Variants in PIK3R6 observed in about 807,000 individuals in gnomAD.
PIK3R6 encodes the protein phosphoinositide 3-kinase regulatory subunit 6.
Under a neutral mutation model 84.9 loss-of-function variants are expected in PIK3R6, and 91 were observed. The ratio of observed to expected loss-of-function variants is 1.07; its 90% CI spans 0.90 to 1.28. The LOEUF (loss-of-function observed/expected upper bound fraction) is 1.28. PIK3R6 is among the 50% of genes most tolerant of loss of function. PIK3R6 has a pLI of 0.00. For synonymous variants in PIK3R6, 416 were observed against 411.4 expected, an observed-to-expected ratio of 1.01 and a Z score of -0.13; for missense variants, 996 against 985.1, an observed-to-expected ratio of 1.01 and a Z score of -0.15.
At chr17:8,806,039 A>T (rs1222821537) in intron 18 of PIK3R6, among the ~76,000 whole-genome samples, 1 of 152,168 alleles carries the variant, frequency 6.6e-6, no homozygotes, top group Non-Finnish European at 1.5e-5. Flanking sequence ...CACTGACTGG[A>T]CAGCTAATGG....
At chr17:8,811,357 C>A (rs1276360734) in intron 18 of PIK3R6, among the ~76,000 whole-genome samples, 1 of 148,562 alleles carries the variant, frequency 6.7e-6, no homozygotes, top group Non-Finnish European at 1.5e-5. Context: ...GCTGTGAAGA[C>A]CTCTGACATG....
At chr17:8,829,634 A>G in intron 10 of PIK3R6, 72 bp downstream of exon 10, 2 of 1,423,482 alleles carry the variant, frequency 1.4e-6, no homozygotes, top group Non-Finnish European at 1.9e-6. Flanking sequence ...ACACTGACAC[A>G]CACTCATGCA....
At chr17:8,850,083 C>T (rs896295994) in intron 1 of PIK3R6, among the ~76,000 whole-genome samples, 198 bp from the exon 2 acceptor site, 1 of 152,098 alleles carries the variant, frequency 6.6e-6, no homozygotes, top group Admixed American at 6.5e-5. Flanking sequence ...GCGGGTGGAT[C>T]ACTTGAGGTC....
rs754208125 is a variant in PIK3R6, at chr17:8,823,447, G to A, written c.1566C>T (p.Val522=). ...SRTVDPFILD[V]ITYYIRMGTQ... is the part of the protein sequence containing the mutation. ...TGCCCATGCGGATGTAGTAGGTGAT[G>A]ACGTCTAGGATGAAGGGGTCCACAG... The change falls in exon 14 of 20, where the codon GTC becomes GTT. Residue 522 remains valine, a synonymous_variant. Coordinates refer to ENST00000619866, the MANE Select transcript of PIK3R6 (RefSeq NM_001010855.4). The A allele has an allele frequency of 3.1e-6, 5 of 1,612,928 alleles. No individual in the cohort carries two copies. The South Asian group carries it at 3.3e-5, about 11-fold the overall frequency.
At chr17:8,827,369 C>A in intron 12 of PIK3R6, 75 bp from the exon 13 acceptor site, 1 of 1,493,262 alleles carries the variant, frequency 6.7e-7, no homozygotes, top group African/African-American at 1.4e-5. Context: ...TCAGCCTAGG[C>A]TGTGTGAATA....
At position 8,827,165 on chromosome 17, in the gene PIK3R6, C is replaced by T; in HGVS notation, c.1515+7G>A. ...TCTCCCTCCCTGGTACCCTCACCCT[C>T]CCCTACCATCTCAGCCAGCTTGTGG... On this transcript the variant is annotated splice_region_variant and intron_variant, in intron 13 of 19. Transcript: ENST00000619866. 6.2e-7 allele frequency: 1 copy of T among 1,612,502 alleles called. No individual in the cohort carries two copies. Among genetic ancestry groups the T allele is most frequent in the Non-Finnish European group, 8.5e-7 (1 of 1,179,172 alleles).
At chr17:8,811,753 G>A (rs554784630) in intron 18 of PIK3R6, among the ~76,000 whole-genome samples, 4 of 148,148 alleles carry the variant, frequency 2.7e-5, no homozygotes, top group African/African-American at 5.0e-5. Context: ...TGTCCATATC[G>A]CTATCAACAT....
chr17:8,831,392 G>C lies in PIK3R6; in HGVS notation c.802+1497C>G, dbSNP rs943520188. On this transcript the variant is annotated intron_variant, in intron 9 of 19. Coordinates refer to ENST00000619866, the MANE Select transcript of PIK3R6 (RefSeq NM_001010855.4). ...GTCTGGGCAGGAGACAGGTGCCCTT[G>C]GATGTGTCTTGGGGGTGGCCCAGAT... Among the ~76,000 whole-genome samples the C allele has an allele frequency of 4.1e-5, 6 of 147,226 alleles. No individual in the cohort carries two copies. The Admixed American group carries it at 4.1e-4, about 10-fold the overall frequency.
At chr17:8,804,257 TGGG>T (rs2087133683) in intron 18 of PIK3R6, 104 bp from the exon 19 acceptor site, 2 of 919,242 alleles carry the variant, frequency 2.2e-6, no homozygotes, top group Middle Eastern at 4.3e-4. Flanking sequence ...GTCCAGCACA[TGGG>T]GTCCCCAGCT....
Position 8,828,686 on chromosome 17 carries a change from GC to G in PIK3R6, c.1193del (p.Gly398AlafsTer87), listed in dbSNP as rs1224883169. On this transcript the variant is annotated frameshift_variant, in exon 11 of 20. Coordinates refer to ENST00000619866, the MANE Select transcript of PIK3R6 (RefSeq NM_001010855.4). LOFTEE classifies it high-confidence loss of function. The stretch of plus-strand genomic sequence containing the variant: ...GCATTTCCCCATCCCCACTGGGCCG[GC>G]CTGTCCTCCGGTGCAGCCCTGGGGG... ...DGPPGLHRRTGRPSGDGEMLP... is the reference protein window; with the variant it reads ...DGPPGLHRRTXRPSGDGEMLP... 3.1e-6 allele frequency: 5 copies of G among 1,611,552 alleles called. No homozygotes were observed. Among genetic ancestry groups the G allele is most frequent in the Non-Finnish European group, 4.2e-6 (5 of 1,179,082 alleles).
At chr17:8,850,653 AG>A (rs1413020322) in intron 1 of PIK3R6, among the ~76,000 whole-genome samples, 2 of 152,240 alleles carry the variant, frequency 1.3e-5, no homozygotes, top group Non-Finnish European at 2.9e-5. Context: ...CCCAATGACT[AG>A]AACGCAGAGG....
rs1379140513 is a variant in PIK3R6, at chr17:8,862,651, A to G, written c.-92+4878T>C. Among the ~76,000 whole-genome samples, 1 of 152,184 alleles carries G rather than the reference A, an allele frequency of 6.6e-6. No individual in the cohort carries two copies. The highest frequency in any genetic ancestry group is 1.5e-5 in the Non-Finnish European group (1 of 68,026). On this transcript the variant is annotated intron_variant, in intron 1 of 19. Transcript: ENST00000619866. This position sits in a 1 kb window ranked among gnomAD's most constrained non-coding sequence, Gnocchi z 4.3. Reference sequence around the variant, plus strand: ...CTTTTGTGCCACAAGGGCAATGTGCAAGGTACTGACCAATCAAACATGCCA... The same window carrying G: ...CTTTTGTGCCACAAGGGCAATGTGCGAGGTACTGACCAATCAAACATGCCA...
intron 18 of PIK3R6, among the ~76,000 whole-genome samples, chr17:8,815,955 A>G (rs968547014): frequency 4.6e-5 from 7 of 152,210 alleles, no homozygotes. Flanking sequence ...ACTGGACTCA[A>G]AATATGGTCC....
intron 2 of PIK3R6, among the ~76,000 whole-genome samples, chr17:8,841,440 G>A (rs1308001111): frequency 6.6e-6 from 1 of 152,174 alleles, no homozygotes; most frequent in Admixed American, 6.5e-5. Flanking sequence ...CGATGTATAA[G>A]AATTTGACTT....
At chr17:8,849,676 T>A in intron 2 of PIK3R6, 106 bp downstream of exon 2, 1 of 1,293,748 alleles carries the variant, frequency 7.7e-7, no homozygotes, top group Non-Finnish European at 1.0e-6. Context: ...GCAGCCTGTC[T>A]ATGTGCAGGG....
intron 1 of PIK3R6, among the ~76,000 whole-genome samples, chr17:8,854,235 G>A (rs780846005): frequency 1.3e-4 from 19 of 151,846 alleles, no homozygotes; most frequent in South Asian, 1.0e-3. Context: ...TGCAACCTCC[G>A]CCTCCTGGGT....
intron 1 of PIK3R6, among the ~76,000 whole-genome samples, chr17:8,854,795 G>A (rs1031471428): frequency 6.6e-6 from 1 of 152,208 alleles, no homozygotes; most frequent in Non-Finnish European, 1.5e-5. Context: ...GAAGGAAGAA[G>A]TTTTTAGATA....
Position 8,830,721 on chromosome 17 carries a change from C to T in PIK3R6, c.803-929G>A, listed in dbSNP as rs144771853. Among the ~76,000 whole-genome samples, 686 of 152,292 alleles carry T rather than the reference C, an allele frequency of 4.5e-3. 1 individual carries two copies. The highest frequency in any genetic ancestry group is 0.027 in the Middle Eastern group (8 of 294). On this transcript the variant is annotated intron_variant, in intron 9 of 19. Transcript: ENST00000619866. ...GGTCACATAGTAAATAGTACAGTGA[C>T]GACTTGAGCCCAGGCAGCTCAGCTC...
chr17:8,858,310 CTTTTTTTTTTTT>C (rs752142944), intron 1 of PIK3R6, among the ~76,000 whole-genome samples: 22 of 95,516 alleles, frequency 2.3e-4, no homozygotes, highest in African/African-American at 7.6e-4. Flanking sequence ...CTCAATTAAT[CTTTTTTTTTTTT>C]TTTTTTTTTT....
Sources: gnomAD v4.1 joint callset for allele counts (sites outside exome capture counted in the v4.1 genomes callset) on GRCh38, gnomAD v4.1.1 for gene constraint, Gnocchi (gnomAD v3.1) non-coding constraint, MANE v1.5 for transcripts, NCBI Gene and HGNC (gene_info 2026-07-23, HGNC 2026-07-21) for gene names.